IMPDH1: variants seen among roughly 807,000 people sequenced by gnomAD.
IMPDH1 encodes inosine monophosphate dehydrogenase 1.
IMPDH1 carries 41 observed loss-of-function variants against 73.5 expected under a neutral mutation model. The observed-to-expected ratio is 0.56, with a 90% CI of 0.43 to 0.72. The LOEUF is 0.72. Ranked by LOEUF, IMPDH1 falls within the 30% of genes least tolerant of loss-of-function variation. The pLI, the probability that IMPDH1 is intolerant of heterozygous loss-of-function variation, is 0.00. For synonymous variants in IMPDH1, 318 were observed against 334.3 expected (o/e 0.95, Z 0.53); for missense variants, 645 against 824.8 (o/e 0.78, Z 2.67).
chr7:128,399,741 T>C (rs1584732221), intron 9 of IMPDH1, among the ~76,000 whole-genome samples: 1 of 152,146 alleles, frequency 6.6e-6, no homozygotes, highest in African/African-American at 2.4e-5. Context: ...AAAACAGCTC[T>C]AGTGTCAAAT....
In IMPDH1 at chr7:128,396,825, C is replaced by A; in HGVS notation, c.1165+107G>T. 2 of 1,129,500 alleles carry A rather than the reference C, an allele frequency of 1.8e-6. No homozygotes were observed. Among genetic ancestry groups the A allele is most frequent in the Non-Finnish European group, 2.6e-6 (2 of 757,268 alleles). The allele number at this position is 1,129,500 out of a possible 1,614,324, so 70.0% of individuals were successfully genotyped here. ...TGACCAAAGCCCATCATGCTCCCTG[C>A]CACCCATGCCAGGAGCCATACCATC... On this transcript the variant is annotated intron_variant, in intron 11 of 16. Coordinates refer to ENST00000338791, the MANE Select transcript of IMPDH1 (RefSeq NM_000883.4). The surrounding 1 kb of genome is among the most constrained non-coding windows in gnomAD (Gnocchi z 4.0).
At chr7:128,403,657 T>C (rs773966339) in intron 5 of IMPDH1, 49 bp downstream of exon 5, 2 of 1,554,804 alleles carry the variant, frequency 1.3e-6, no homozygotes, top group Non-Finnish European at 1.8e-6. Flanking sequence ...GTCAGCCTCT[T>C]CCACCACATA....
chr7:128,404,001 A>T (rs972141079), intron 4 of IMPDH1, among the ~76,000 whole-genome samples: 3 of 152,230 alleles, frequency 2.0e-5, no homozygotes, highest in African/African-American at 4.8e-5. Context: ...CATCAAGGTA[A>T]TAGGCCCAAA....
intron 5 of IMPDH1, among the ~76,000 whole-genome samples, chr7:128,402,561 C>G (rs1264240218): frequency 2.0e-5 from 3 of 152,246 alleles, no homozygotes; most frequent in Admixed American, 1.3e-4. Flanking sequence ...GAATTTCCCC[C>G]TGAAAATCTG....
Position 128,405,276 on chromosome 7 carries a change from G to C in IMPDH1, c.353+491C>G, listed in dbSNP as rs79069643. On this transcript the variant is annotated intron_variant, in intron 4 of 16. Transcript: ENST00000338791. The stretch of plus-strand genomic sequence containing the variant: ...GGGCACCAATACCAACCTGTGGGCA[G>C]GGAGGGACACAACTGGAAAAAGCGC... 2.0e-3 allele frequency among the ~76,000 whole-genome samples: 310 copies of C among 152,344 alleles called. 1 individual carries two copies. Among genetic ancestry groups the C allele is most frequent in the African/African-American group, 7.0e-3 (292 of 41,586 alleles).
chr7:128,404,966 T>G (rs1798606344), intron 4 of IMPDH1, among the ~76,000 whole-genome samples: 1 of 151,754 alleles, frequency 6.6e-6, no homozygotes, highest in Non-Finnish European at 1.5e-5. Flanking sequence ...CAAGCAGGAG[T>G]GCTTACAAGC....
At position 128,398,297 on chromosome 7, in the gene IMPDH1, A is replaced by G. The variant is rs1439010138; in HGVS notation, c.1074+117T>C. On this transcript the variant is annotated intron_variant, in intron 10 of 16. Coordinates refer to ENST00000338791, the MANE Select transcript of IMPDH1 (RefSeq NM_000883.4). This position sits in a 1 kb window ranked among gnomAD's most constrained non-coding sequence, Gnocchi z 4.3. ...CACCAGGGAGCACTCAGAAAGAGAG[A>G]GGAAGAGTAGCAAGGGAGGGGCACA... 2.7e-5 allele frequency: 21 copies of G among 779,950 alleles called. No individual in the cohort carries two copies. The highest frequency in any genetic ancestry group is 4.5e-5 in the Non-Finnish European group (21 of 464,146). The allele number at this position is 779,950 out of a possible 1,614,324, so 48.3% of individuals were successfully genotyped here.
At chr7:128,403,908 C>T (rs1192517427) in intron 4 of IMPDH1, among the ~76,000 whole-genome samples, 154 bp from the exon 5 acceptor site, 1 of 152,248 alleles carries the variant, frequency 6.6e-6, no homozygotes, top group Non-Finnish European at 1.5e-5. Flanking sequence ...AGGGCAGTTC[C>T]CACCTCGTGC....
intron 5 of IMPDH1, among the ~76,000 whole-genome samples, chr7:128,401,988 C>A (rs1407355357): frequency 6.6e-6 from 1 of 152,206 alleles, no homozygotes; most frequent in East Asian, 1.9e-4. Flanking sequence ...CTAGTTCAGA[C>A]CTCTGGCCCC....
Position 128,396,950 on chromosome 7 carries a change from G to A in IMPDH1, c.1147C>T (p.Gln383Ter). Residue 383 changes from glutamine (Q) to a stop codon, truncating the protein, a stop_gained, in exon 11 of 17, where the codon CAG (glutamine) becomes TAG (stop). Transcript: ENST00000338791. LOFTEE classifies it high-confidence loss of function. This position sits in a 1 kb window ranked among gnomAD's most constrained non-coding sequence, Gnocchi z 4.0. ...CACTCACCGTTCCCCCCAATCACCT[G>A]GAGGTGGGGGTACTTCTGTTTGATG... ...HYIKQKYPHL[Q>*]VIGGNVVTAA... is the part of the protein sequence containing the mutation. 1 of 1,613,454 alleles carries A rather than the reference G, an allele frequency of 6.2e-7. No individual in the cohort carries two copies. Among genetic ancestry groups the A allele is most frequent in the Non-Finnish European group, 8.5e-7 (1 of 1,179,588 alleles).
At chr7:128,406,758 T>C (rs1032028339) in intron 3 of IMPDH1, among the ~76,000 whole-genome samples, 3 of 152,202 alleles carry the variant, frequency 2.0e-5, no homozygotes, top group Non-Finnish European at 1.5e-5. Context: ...TATCTCCGGC[T>C]GAGAAAATGG....
Position 128,398,704 on chromosome 7 carries a change from C to T in IMPDH1, c.875-91G>A. 2 of 1,035,302 alleles carry T rather than the reference C, an allele frequency of 1.9e-6. No homozygotes were observed. Among genetic ancestry groups the T allele is most frequent in the Non-Finnish European group, 3.0e-6 (2 of 669,576 alleles). The allele number at this position is 1,035,302 out of a possible 1,614,324, so 64.1% of individuals were successfully genotyped here. A position where few individuals can be genotyped will look rare whatever the true frequency, so the allele number is the denominator to read the frequency against. On this transcript the variant is annotated intron_variant, in intron 9 of 16. Coordinates refer to ENST00000338791, the MANE Select transcript of IMPDH1 (RefSeq NM_000883.4). The surrounding 1 kb of genome is among the most constrained non-coding windows in gnomAD (Gnocchi z 4.3). ...AGGGTGAAGATGAAAGTGGACCACTCCAGAGATTCCACTGAAGTACCCCAG... is the reference window on the plus strand; with the variant it reads ...AGGGTGAAGATGAAAGTGGACCACTTCAGAGATTCCACTGAAGTACCCCAG...
Position 128,394,821 on chromosome 7 carries a change from C to T in IMPDH1, c.1550+68G>A, listed in dbSNP as rs1379854990. On this transcript the variant is annotated intron_variant, in intron 14 of 16. Coordinates refer to ENST00000338791, the MANE Select transcript of IMPDH1 (RefSeq NM_000883.4). This position sits in a 1 kb window ranked among gnomAD's most constrained non-coding sequence, Gnocchi z 5.5. ...GGGACTGGCTGCCATCTGGGGAAGT[C>T]GGTGGCATGAGCGGGCCCTGAAGGG... 6.3e-6 allele frequency: 10 copies of T among 1,577,110 alleles called. No homozygotes were observed. Among genetic ancestry groups the T allele is most frequent in the East Asian group, 2.2e-5 (1 of 44,726 alleles).
intron 3 of IMPDH1, among the ~76,000 whole-genome samples, chr7:128,408,330 G>T (rs1584758358): frequency 6.6e-6 from 1 of 152,318 alleles, no homozygotes; most frequent in East Asian, 1.9e-4. Context: ...TGGGGGAAGG[G>T]CAGAAAAGGT....
chr7:128,397,720 G>A (rs1562988770), intron 10 of IMPDH1, among the ~76,000 whole-genome samples: 1 of 151,530 alleles, frequency 6.6e-6, no homozygotes, highest in African/African-American at 2.4e-5. Flanking sequence ...TGCAATTGTT[G>A]CTTGCAACAA....
At chr7:128,402,172 G>A (rs1798388197) in intron 5 of IMPDH1, among the ~76,000 whole-genome samples, 1 of 151,334 alleles carries the variant, frequency 6.6e-6, no homozygotes, top group African/African-American at 2.4e-5. Flanking sequence ...GTGCAATCCC[G>A]ACTCACTGCA....
chr7:128,406,136 C>A (rs1004218543), intron 3 of IMPDH1, among the ~76,000 whole-genome samples: 1 of 150,426 alleles, frequency 6.6e-6, no homozygotes, highest in Non-Finnish European at 1.5e-5. Flanking sequence ...CGCGCGCACG[C>A]CCCCAGCTGC....
intron 10 of IMPDH1, 82 bp from the exon 11 acceptor site, chr7:128,397,104 C>G: frequency 3.3e-6 from 3 of 905,194 alleles, no homozygotes; most frequent in Non-Finnish European, 5.6e-6. Flanking sequence ...GGATGAACCC[C>G]TCAAATCCTA....
At chr7:128,406,028 C>CCGA (rs1798725899) in intron 3 of IMPDH1, 163 bp from the exon 4 acceptor site, 1 of 297,858 alleles carries the variant, frequency 3.4e-6, no homozygotes, top group Non-Finnish European at 4.9e-6. Flanking sequence ...GCAGGGCGGG[C>CCGA]CAGGGCGCCG....
Sources: gnomAD v4.1 joint callset for allele counts (sites outside exome capture counted in the v4.1 genomes callset) on GRCh38, gnomAD v4.1.1 for gene constraint, Gnocchi (gnomAD v3.1) non-coding constraint, MANE v1.5 for transcripts, NCBI Gene and HGNC (gene_info 2026-07-23, HGNC 2026-07-21) for gene names.